CBY1: variants seen among roughly 807,000 people sequenced by gnomAD.
CBY1 encodes chibby 1, beta catenin antagonist, also known as protein chibby homolog 1.
A neutral mutation model predicts 15.6 loss-of-function variants in CBY1; 10 were observed. That is an observed-to-expected ratio of 0.64 (90% confidence interval 0.40 to 1.09). The LOEUF (loss-of-function observed/expected upper bound fraction) is 1.09. Ranked by LOEUF, CBY1 falls within the 50% of genes least tolerant of loss-of-function variation. CBY1 has a pLI of 0.01. For synonymous variants in CBY1, 61 were observed against 63.5 expected (o/e 0.96, Z 0.19); for missense variants, 150 against 160.5 (o/e 0.93, Z 0.35).
At chr22:38,663,599 G>A (rs578252752) in intron 1 of CBY1, among the ~76,000 whole-genome samples, 1 of 149,228 alleles carries the variant, frequency 6.7e-6, no homozygotes, top group African/African-American at 2.5e-5. Context: ...GGGAAGCTGA[G>A]GCAGGAGAAT....
At chr22:38,660,604 A>G (rs148897442) in intron 1 of CBY1, among the ~76,000 whole-genome samples, 2 of 150,164 alleles carry the variant, frequency 1.3e-5, no homozygotes, top group Non-Finnish European at 3.0e-5. Flanking sequence ...TATACCATAT[A>G]TGTGTGTGTA....
chr22:38,660,565 GAC>G (rs968045840), intron 1 of CBY1, among the ~76,000 whole-genome samples: 144 of 151,742 alleles, frequency 9.5e-4, no homozygotes, highest in African/African-American at 3.3e-3. Flanking sequence ...TGTGTATATA[GAC>G]ACACACACAC....
At chr22:38,659,857 G>A (rs1218052499) in intron 1 of CBY1, among the ~76,000 whole-genome samples, 8 of 108,670 alleles carry the variant, frequency 7.4e-5, no homozygotes, top group Admixed American at 4.5e-4. Flanking sequence ...GTGAGACTCT[G>A]TCTCAAAAAA....
chr22:38,667,675 C>A, intron 1 of CBY1: 1 of 208,902 alleles, frequency 4.8e-6, no homozygotes, highest in South Asian at 1.0e-4. Context: ...GAGGGTCATC[C>A]TGTGTGAGGC....
chr22:38,669,075 C>T (rs1232106299), intron 2 of CBY1, among the ~76,000 whole-genome samples: 2 of 152,198 alleles, frequency 1.3e-5, no homozygotes, highest in African/African-American at 2.4e-5. Flanking sequence ...TGTCTCTGAC[C>T]GTGACTTGAA....
intron 1 of CBY1, among the ~76,000 whole-genome samples, chr22:38,665,327 G>A (rs1329989573): frequency 2.0e-5 from 3 of 152,126 alleles, no homozygotes; most frequent in Non-Finnish European, 4.4e-5. Flanking sequence ...TAGCCAGCAT[G>A]GTGGTGCGTG....
intron 1 of CBY1, among the ~76,000 whole-genome samples, chr22:38,662,291 G>T (rs2092424278): frequency 7.1e-6 from 1 of 141,786 alleles, no homozygotes; most frequent in African/African-American, 2.6e-5. Flanking sequence ...AACAGAATGA[G>T]ACTCTGTCTC....
chr22:38,672,720 G>C, intron 4 of CBY1, among the ~76,000 whole-genome samples: 1 of 152,106 alleles, frequency 6.6e-6, no homozygotes, highest in East Asian at 1.9e-4. Flanking sequence ...CCGTGTCTCA[G>C]AAAACAAACA....
intron 1 of CBY1, among the ~76,000 whole-genome samples, chr22:38,664,591 C>G (rs1489566293): frequency 6.6e-6 from 1 of 150,680 alleles, no homozygotes; most frequent in Non-Finnish European, 1.5e-5. Flanking sequence ...GCAAATTAAA[C>G]AATGCAACAC....
In CBY1 at chr22:38,671,030, G is replaced by A. The variant is rs766250133; in HGVS notation, c.185-40G>A. On this transcript the variant is annotated intron_variant, in intron 3 of 4. Transcript: ENST00000216029. Reference sequence around the variant, plus strand: ...TGCCATTTTGTCAAACAAGATTGTAGGAGGAAATCCCCCTTTAACTGGTTC... The same window carrying A: ...TGCCATTTTGTCAAACAAGATTGTAAGAGGAAATCCCCCTTTAACTGGTTC... The A allele has an allele frequency of 7.4e-6, 12 of 1,612,232 alleles. No individual in the cohort carries two copies. The African/African-American group carries it at 1.3e-4, about 18-fold the overall frequency.
chr22:38,665,752 T>A, intron 1 of CBY1: 2 of 1,220,318 alleles, frequency 1.6e-6, no homozygotes, highest in Non-Finnish European at 2.0e-6. Context: ...AAAAATGTTT[T>A]GAGCCAGTGC....
chr22:38,673,099 C>A, intron 4 of CBY1, 60 bp from the exon 5 acceptor site: 1 of 1,278,302 alleles, frequency 7.8e-7, no homozygotes, highest in African/African-American at 1.5e-5. Context: ...GCCGGCCTTG[C>A]TAACCCGAAA....
At chr22:38,665,254 A>G (rs1384662269) in intron 1 of CBY1, among the ~76,000 whole-genome samples, 4 of 152,156 alleles carry the variant, frequency 2.6e-5, no homozygotes, top group Non-Finnish European at 5.9e-5. Context: ...CGTGAGCCCA[A>G]GAGTTCAAGA....
chr22:38,672,721 AAAAC>A (rs1039928148), intron 4 of CBY1, among the ~76,000 whole-genome samples: 36 of 152,294 alleles, frequency 2.4e-4, no homozygotes, highest in African/African-American at 8.4e-4. Flanking sequence ...CGTGTCTCAG[AAAAC>A]AAACAAACCA....
intron 1 of CBY1, among the ~76,000 whole-genome samples, chr22:38,660,806 C>CG (rs138690): frequency 1 from 152,229 of 152,234 alleles, 76,112 homozygotes; most frequent in Middle Eastern, 1. Flanking sequence ...GACACGATCT[C>CG]CCTCACCGCA....
chr22:38,672,745 A>G (rs2092456850), intron 4 of CBY1, among the ~76,000 whole-genome samples: 1 of 152,160 alleles, frequency 6.6e-6, no homozygotes, highest in Non-Finnish European at 1.5e-5. Flanking sequence ...AAAAAACAAA[A>G]ACAAAAAAAC....
chr22:38,662,437 C>T (rs983760973), intron 1 of CBY1, among the ~76,000 whole-genome samples: 3 of 151,824 alleles, frequency 2.0e-5, no homozygotes, highest in African/African-American at 7.3e-5. Context: ...GAAATGCAAA[C>T]AATAATATTA....
chr22:38,671,087 G>T lies in CBY1; in HGVS notation c.202G>T (p.Gly68Cys). The change falls in exon 4 of 5, where the codon GGT becomes TGT. Residue 68 changes from glycine (G) to cysteine (C), a missense_variant. Physicochemically the swap from Gly to Cys is radical, Grantham distance 159. Transcript: ENST00000216029. ...TCCTCCAGAGACAGGGGTTAGTGGC[G>T]GTGTGGACCGGAGGGAGGTTCAGCG... ...QWIAETGVSG[G>C]VDRREVQRLR... 6.2e-7 allele frequency: 1 copy of T among 1,614,150 alleles called. No individual in the cohort carries two copies. The highest frequency in any genetic ancestry group is 1.1e-5 in the South Asian group (1 of 91,088).
At chr22:38,659,861 CAAAAA>C (rs71197126) in intron 1 of CBY1, among the ~76,000 whole-genome samples, 1 of 68,378 alleles carries the variant, frequency 1.5e-5, no homozygotes, top group East Asian at 4.1e-4. Context: ...GACTCTGTCT[CAAAAA>C]AAAAAAAAAA....
Sources: allele counts gnomAD v4.1 joint callset (sites outside exome capture counted in the v4.1 genomes callset), GRCh38; gene constraint gnomAD v4.1.1; transcripts MANE v1.5; gene names NCBI Gene and HGNC (gene_info 2026-07-23, HGNC 2026-07-21).